The following PARVG variants were observed in gnomAD, a reference collection of about 807,000 sequenced individuals.
The protein encoded by PARVG is gamma-parvin.
Under a neutral mutation model 44.4 loss-of-function variants are expected in PARVG, and 36 were observed. The observed-to-expected ratio is 0.81, with a 90% CI of 0.62 to 1.07. The LOEUF (loss-of-function observed/expected upper bound fraction) is 1.07, where lower values mean the gene tolerates loss of function less well. PARVG is among the 50% of genes least tolerant of loss of function. The probability of loss-of-function intolerance (pLI) is 0.00; values close to 1 mark genes in which losing one functional copy is unlikely to be tolerated. For missense variants in PARVG, 407 were observed against 407.4 expected (o/e 1.00, Z 0.01); for synonymous variants, 170 against 174.1 (o/e 0.98, Z 0.19).
upstream of PARVG, among the ~76,000 whole-genome samples, chr22:44,179,687 A>C (rs1452795205): frequency 1.3e-5 from 2 of 152,156 alleles, no homozygotes; most frequent in Non-Finnish European, 2.9e-5. The surrounding 1 kb of genome is among the most constrained non-coding windows in gnomAD (Gnocchi z 4.2). Flanking sequence ...CAGAACAAGT[A>C]ACCAATCCCA....
chr22:44,191,950 C>A, intron 7 of PARVG, 99 bp from the exon 8 acceptor site: 2 of 1,355,876 alleles, frequency 1.5e-6, no homozygotes, highest in Non-Finnish European at 1.0e-6. Flanking sequence ...CAGAGGCTGT[C>A]CTGAGGAGGG....
rs527597709 is a variant in PARVG at position 44,193,834 on chromosome 22, T to G, written c.583+11T>G. Reference sequence around the variant, plus strand: ...AGGACGAGCCTCCAAGTGAGTACTTTCATCATTTTTGGAAATCTGTTCCTA... The same window carrying G: ...AGGACGAGCCTCCAAGTGAGTACTTGCATCATTTTTGGAAATCTGTTCCTA... On this transcript the variant is annotated intron_variant, in intron 9 of 13. Transcript: ENST00000444313. The G allele has an allele frequency of 3.6e-5, 58 of 1,614,168 alleles. No homozygotes were observed. The East Asian group carries it at 1.0e-3, about 28-fold the overall frequency.
intron 12 of PARVG, among the ~76,000 whole-genome samples, chr22:44,199,559 C>T (rs139153): frequency 0.2 from 29,874 of 152,154 alleles, 3,124 homozygotes; most frequent in Admixed American, 0.23. Flanking sequence ...AGCTCTCAGT[C>T]TGTGCCCACT....
intron 12 of PARVG, among the ~76,000 whole-genome samples, chr22:44,202,913 G>A (rs1273204239): frequency 1.3e-5 from 2 of 152,220 alleles, no homozygotes; most frequent in Admixed American, 6.5e-5. Flanking sequence ...GTCCTTCCAC[G>A]TTAAATTACT....
At chr22:44,186,629 CCCGGAAGA>C in intron 4 of PARVG, 1 of 471,200 alleles carries the variant, frequency 2.1e-6, no homozygotes, top group South Asian at 1.5e-5. Flanking sequence ...TGTGGTCTTG[CCCGGAAGA>C]CCTGGTGAGG....
rs1000690422 is a variant in PARVG, at chr22:44,196,342, G to A, written c.643-5G>A. The A allele has an allele frequency of 4.3e-6, 7 of 1,614,200 alleles. No individual in the cohort carries two copies. The East Asian group carries it at 1.3e-4, about 31-fold the overall frequency. ...TGTGCTAGGCCCTTGTTCTTCCCTG[G>A]TTAGGCCATCGTGAACTTTGTCAAC... On this transcript the variant is annotated splice_polypyrimidine_tract_variant and splice_region_variant and intron_variant, in intron 10 of 13. Transcript: ENST00000444313.
At chr22:44,173,749 C>T (rs1230819945) in intron 1 of PARVG, among the ~76,000 whole-genome samples, 1 of 152,164 alleles carries the variant, frequency 6.6e-6, no homozygotes, top group Non-Finnish European at 1.5e-5. Flanking sequence ...AGGTTCTGCC[C>T]CTTGGGGGAT....
upstream of PARVG, among the ~76,000 whole-genome samples, chr22:44,179,474 G>T (rs1310540701): frequency 6.6e-6 from 1 of 152,158 alleles, no homozygotes; most frequent in Non-Finnish European, 1.5e-5. This position sits in a 1 kb window ranked among gnomAD's most constrained non-coding sequence, Gnocchi z 4.2. Context: ...AAACTCTTTG[G>T]TGTGATGATA....
chr22:44,173,460 T>C (rs139104), intron 1 of PARVG, among the ~76,000 whole-genome samples: 105,185 of 151,888 alleles, frequency 0.69, 37,147 homozygotes, highest in African/African-American at 0.83. Context: ...AGGTTTCAGG[T>C]GCGTCGAATT....
In PARVG at chr22:44,185,856, T is replaced by A. The variant is rs1426932895; in HGVS notation, c.128T>A (p.Phe43Tyr). 1.3e-5 allele frequency: 21 copies of A among 1,613,222 alleles called. No individual in the cohort carries two copies. Among genetic ancestry groups the A allele is most frequent in the Non-Finnish European group, 1.8e-5 (21 of 1,179,560 alleles). Residue 43 changes from phenylalanine (F) to tyrosine (Y), a missense_variant, in exon 4 of 14, where the codon TTT becomes TAT. Transcript: ENST00000444313. ...CCCACTTCCCGGAAGGACCCCAAAT[T>A]TGAAGAACTGCAGAAGGTACAGCAG... is the stretch of plus-strand genomic sequence containing the variant. ...LPPTSRKDPK[F>Y]EELQKVLMEW... is the part of the protein sequence containing the mutation.
intron 3 of PARVG, chr22:44,183,613 T>C (rs1302967450): frequency 3.8e-6 from 2 of 522,094 alleles, no homozygotes; most frequent in Non-Finnish European, 6.7e-6. Flanking sequence ...TCTCTCCAGA[T>C]GAGAGACGGT....
chr22:44,181,622 GC>G (rs925532462), intron 1 of PARVG, 119 bp from the exon 2 acceptor site: 2 of 755,484 alleles, frequency 2.6e-6, no homozygotes, highest in African/African-American at 3.8e-5. Context: ...AGTTTAAGTG[GC>G]CTGCAGAACC....
In PARVG at chr22:44,187,832, C is replaced by G. The variant is rs756079672; in HGVS notation, c.201C>G (p.Ser67Arg). The change falls in exon 5 of 14, where the codon AGC (serine) becomes AGG (arginine). Residue 67 changes from serine (S) to arginine (R), a missense_variant. Coordinates refer to ENST00000444313, the MANE Select transcript of PARVG (RefSeq NM_022141.7). ...TCCCCGAGCACATTGTGGTCCGCAG[C>G]CTGGAGGAGGACATGTTCGACGGGC... ...TLLPEHIVVR[S>R]LEEDMFDGLI... 10 of 1,614,140 alleles carry G rather than the reference C, an allele frequency of 6.2e-6. No homozygotes were observed. Among genetic ancestry groups the G allele is most frequent in the South Asian group, 4.4e-5 (4 of 91,092 alleles).
chr22:44,207,055 G>C lies in PARVG; in HGVS notation c.*629G>C, dbSNP rs1477925755. The C allele has an allele frequency of 6.5e-6, 1 of 154,584 alleles. No homozygotes were observed. Among genetic ancestry groups the C allele is most frequent in the Non-Finnish European group, 1.4e-5 (1 of 70,186 alleles). 9.6% of individuals were successfully genotyped at this position (154,584 alleles called of 1,614,324 possible). ...AAGAAGCAATCTTCGTGGTTGATTA[G>C]TGGGTTCAGGTCATCTCCAGTCTGT... is the stretch of plus-strand genomic sequence containing the variant. On this transcript the variant is annotated 3_prime_UTR_variant, in exon 14 of 14. Transcript: ENST00000444313.
In PARVG at chr22:44,185,829, C is replaced by T. The variant is rs202061920; in HGVS notation, c.101C>T (p.Pro34Leu). 23 of 1,613,728 alleles carry T rather than the reference C, an allele frequency of 1.4e-5. No individual in the cohort carries two copies. Among genetic ancestry groups the T allele is most frequent in the Non-Finnish European group, 5.9e-6 (7 of 1,179,762 alleles). The change falls in exon 4 of 14, where the codon CCA (proline) becomes CTA (leucine). Residue 34 changes from proline to leucine, a missense_variant. Transcript: ENST00000444313. ...CCAGGAGGAAAGAAGAAATACCTGCCACCCACTTCCCGGAAGGACCCCAAA... is the reference window on the plus strand; with the variant it reads ...CCAGGAGGAAAGAAGAAATACCTGCTACCCACTTCCCGGAAGGACCCCAAA... ...LSKGGKKKYLPPTSRKDPKFE... is the reference protein window; with the variant it reads ...LSKGGKKKYLLPTSRKDPKFE...
At chr22:44,205,350 T>C (rs1473201967) in intron 12 of PARVG, among the ~76,000 whole-genome samples, 2 of 152,226 alleles carry the variant, frequency 1.3e-5, no homozygotes, top group East Asian at 3.9e-4. Flanking sequence ...AGGCCCTTGC[T>C]CCTTTCCCTG....
intron 12 of PARVG, among the ~76,000 whole-genome samples, chr22:44,200,310 T>G (rs2054689305): frequency 6.6e-6 from 1 of 152,244 alleles, no homozygotes; most frequent in African/African-American, 2.4e-5. Context: ...GCAAGAGGCC[T>G]GAGTCTTGTG....
chr22:44,198,941 C>T (rs8136048), intron 12 of PARVG, among the ~76,000 whole-genome samples: 4,036 of 22,252 alleles, frequency 0.18, 647 homozygotes, highest in Non-Finnish European at 0.31. Context: ...CATCCATCCA[C>T]CCACCCATCC....
intron 7 of PARVG, among the ~76,000 whole-genome samples, chr22:44,191,235 G>A (rs1397033139): frequency 3.9e-5 from 6 of 151,968 alleles, no homozygotes; most frequent in East Asian, 1.9e-4. Context: ...ATCACAATAG[G>A]GGGCCCCACC....
Sources: allele counts gnomAD v4.1 joint callset (sites outside exome capture counted in the v4.1 genomes callset), GRCh38; gene constraint gnomAD v4.1.1; non-coding constraint Gnocchi (gnomAD v3.1); transcripts MANE v1.5; gene names NCBI Gene and HGNC (gene_info 2026-07-23, HGNC 2026-07-21).